Variants in GPD2 observed in about 807,000 individuals in gnomAD.
GPD2 encodes the protein glycerol-3-phosphate dehydrogenase, mitochondrial.
Under a neutral mutation model 82.4 loss-of-function variants are expected in GPD2, and 54 were observed. That is an observed-to-expected ratio of 0.66 (90% confidence interval 0.53 to 0.82). The LOEUF (loss-of-function observed/expected upper bound fraction) is 0.82, where lower values mean the gene tolerates loss of function less well. Among genes scored for constraint, GPD2 ranks in the 40% least tolerant of loss-of-function variants. GPD2 has a pLI of 0.00. For synonymous variants in GPD2, 288 were observed against 306.1 expected, an observed-to-expected ratio of 0.94 and a Z score of 0.62; for missense variants, 748 against 896.2, an observed-to-expected ratio of 0.83 and a Z score of 2.11.
intron 1 of GPD2, among the ~76,000 whole-genome samples, chr2:156,458,305 G>C (rs1682856958): frequency 6.6e-6 from 1 of 152,216 alleles, no homozygotes; most frequent in Admixed American, 6.5e-5. Context: ...TGTAGTTATG[G>C]AGTTGAAATT....
At chr2:156,543,635 A>G (rs1414062171) in intron 6 of GPD2, among the ~76,000 whole-genome samples, 1 of 152,236 alleles carries the variant, frequency 6.6e-6, no homozygotes, top group African/African-American at 2.4e-5. Flanking sequence ...AGTCAGGGAA[A>G]GTTTCACAAA....
At chr2:156,420,191 T>A in the GPD2 span, among the ~76,000 whole-genome samples, 3 of 152,202 alleles carry the variant, frequency 2.0e-5, no homozygotes, top group African/African-American at 7.2e-5. Flanking sequence ...TTCCTTTTTT[T>A]TTCTTTTTGA....
intron 2 of GPD2, among the ~76,000 whole-genome samples, chr2:156,477,722 A>G (rs1683563457): frequency 6.6e-6 from 1 of 152,174 alleles, no homozygotes; most frequent in South Asian, 2.1e-4. Context: ...GATACGTACA[A>G]TGGTATTATT....
chr2:156,502,652 C>T (rs1400743919), intron 3 of GPD2, among the ~76,000 whole-genome samples: 1 of 152,166 alleles, frequency 6.6e-6, no homozygotes, highest in Non-Finnish European at 1.5e-5. Context: ...TCTAGAACTC[C>T]TGAGATCAAG....
chr2:156,526,731 A>G (rs1252656822), intron 6 of GPD2, among the ~76,000 whole-genome samples: 1 of 152,162 alleles, frequency 6.6e-6, no homozygotes, highest in East Asian at 1.9e-4. Flanking sequence ...TATCTAATGA[A>G]TTCGTCTCAG....
intron 1 of GPD2, among the ~76,000 whole-genome samples, chr2:156,471,046 C>G (rs1380191604): frequency 6.6e-6 from 1 of 152,168 alleles, no homozygotes; most frequent in Admixed American, 6.5e-5. Context: ...AGCTGAGCTT[C>G]TCTTCTTCCT....
intron 2 of GPD2, among the ~76,000 whole-genome samples, chr2:156,487,794 C>T (rs1684002102): frequency 6.6e-6 from 1 of 152,154 alleles, no homozygotes; most frequent in Non-Finnish European, 1.5e-5. Flanking sequence ...GAAAAGCAAG[C>T]ATATATTCTG....
chr2:156,400,466 G>A, the GPD2 span, among the ~76,000 whole-genome samples: 1 of 152,182 alleles, frequency 6.6e-6, no homozygotes, highest in East Asian at 1.9e-4. Context: ...TTGGGCACCC[G>A]GGAGTCCCGC....
At chr2:156,500,155 A>G (rs2105250211) in intron 3 of GPD2, among the ~76,000 whole-genome samples, 1 of 152,240 alleles carries the variant, frequency 6.6e-6, no homozygotes, top group Middle Eastern at 3.4e-3. Context: ...TTTTTAATAT[A>G]TCTTGGCATA....
chr2:156,432,650 T>A (rs1688330825), upstream of GPD2, among the ~76,000 whole-genome samples: 2 of 152,240 alleles, frequency 1.3e-5, no homozygotes, highest in South Asian at 4.1e-4. Flanking sequence ...TTTGAAAATA[T>A]GCTCTAAATA....
At chr2:156,407,438 A>G in the GPD2 span, among the ~76,000 whole-genome samples, 2 of 152,210 alleles carry the variant, frequency 1.3e-5, no homozygotes, top group African/African-American at 4.8e-5. Context: ...CTTAGAACAC[A>G]TAGAGCTAAC....
the GPD2 span, among the ~76,000 whole-genome samples, chr2:156,409,089 G>A: frequency 3.9e-5 from 6 of 152,232 alleles, no homozygotes; most frequent in Middle Eastern, 3.4e-3. Context: ...ACCAGAAGCC[G>A]GAAAGAGATA....
intron 6 of GPD2, among the ~76,000 whole-genome samples, chr2:156,542,280 A>G (rs1215224844): frequency 6.6e-6 from 1 of 152,174 alleles, no homozygotes; most frequent in Non-Finnish European, 1.5e-5. Flanking sequence ...GATATTGTGA[A>G]GAGAAAGGCC....
intron 1 of GPD2, among the ~76,000 whole-genome samples, chr2:156,462,453 A>ATTTTTTTTTT (rs35159143): frequency 1.0e-4 from 12 of 118,184 alleles, no homozygotes; most frequent in Non-Finnish European, 1.6e-4. Context: ...ACCCGGATAC[A>ATTTTTTTTTT]TTTTTTTTTT....
intron 9 of GPD2, among the ~76,000 whole-genome samples, 164 bp downstream of exon 9, chr2:156,557,746 G>T (rs894056794): frequency 6.6e-6 from 1 of 152,148 alleles, no homozygotes; most frequent in African/African-American, 2.4e-5. Context: ...ATAATGGGGA[G>T]AAATTGCCTT....
Position 156,568,966 on chromosome 2 carries a change from G to A in GPD2, c.1300+7G>A. ...GGCCTTATTACTATAGCAGGTATGA[G>A]ATACTACCTTGTTATTTTCTTTTCT... On this transcript the variant is annotated splice_region_variant and intron_variant, in intron 10 of 16. Transcript: ENST00000438166. 6.4e-7 allele frequency: 1 copy of A among 1,571,464 alleles called. No homozygotes were observed. Among genetic ancestry groups the A allele is most frequent in the Non-Finnish European group, 8.7e-7 (1 of 1,143,844 alleles).
chr2:156,404,488 T>C, the GPD2 span, among the ~76,000 whole-genome samples: 1 of 152,036 alleles, frequency 6.6e-6, no homozygotes, highest in East Asian at 1.9e-4. Flanking sequence ...ACCCCAAACA[T>C]GGTAAACTTA....
At chr2:156,566,066 T>C (rs1687377206) in intron 9 of GPD2, among the ~76,000 whole-genome samples, 1 of 152,134 alleles carries the variant, frequency 6.6e-6, no homozygotes, top group African/African-American at 2.4e-5. Context: ...ATGGGATTTA[T>C]GGATTTGAAC....
intron 2 of GPD2, among the ~76,000 whole-genome samples, chr2:156,484,944 C>A (rs1369673057): frequency 2.0e-5 from 3 of 152,184 alleles, no homozygotes; most frequent in African/African-American, 7.2e-5. Context: ...CCTCTGCTTA[C>A]CACTATTTTA....
Sources: allele counts gnomAD v4.1 joint callset (sites outside exome capture counted in the v4.1 genomes callset), GRCh38; gene constraint gnomAD v4.1.1; transcripts MANE v1.5; gene names NCBI Gene and HGNC (gene_info 2026-07-23, HGNC 2026-07-21).